Variants in NOX4 observed in about 807,000 individuals in gnomAD.
NOX4 encodes kidney oxidase-1.
Under a neutral mutation model 87.6 loss-of-function variants are expected in NOX4, and 69 were observed. The observed-to-expected ratio is 0.79, with a 90% CI of 0.65 to 0.96. The LOEUF (loss-of-function observed/expected upper bound fraction) is 0.96. Among genes scored for constraint, NOX4 ranks in the 40% least tolerant of loss-of-function variants. The pLI is 0.00. For synonymous variants in NOX4, 275 were observed against 238.2 expected (o/e 1.15, Z -1.42); for missense variants, 680 against 681.5 (o/e 1.00, Z 0.02).
chr11:89,358,806 T>C (rs919462853), intron 12 of NOX4, among the ~76,000 whole-genome samples: 1 of 151,684 alleles, frequency 6.6e-6, no homozygotes, highest in African/African-American at 2.4e-5. Context: ...TGCAGGAAAA[T>C]GTCAAACCAG....
At chr11:89,454,403 T>G (rs944349258) in intron 2 of NOX4, among the ~76,000 whole-genome samples, 3 of 152,084 alleles carry the variant, frequency 2.0e-5, no homozygotes, top group Non-Finnish European at 4.4e-5. Context: ...TAATAATAAT[T>G]AGGTCCACAA....
rs533918712 is a variant in NOX4 at position 89,475,676 on chromosome 11, CAGAATACAAT to C, written c.153+14772_153+14781del. ...TGGAACGGGATAGGACAGGACAGGA[CAGAATACAAT>C]AGAATAGGAACAGGGAAGAGATAAA... On this transcript the variant is annotated intron_variant, in intron 2 of 17. Coordinates refer to ENST00000263317, the MANE Select transcript of NOX4 (RefSeq NM_016931.5). Among the ~76,000 whole-genome samples, 12 of 151,880 alleles carry C rather than the reference CAGAATACAAT, an allele frequency of 7.9e-5. No homozygotes were observed. The South Asian group carries it at 2.3e-3, about 29-fold the overall frequency.
At chr11:89,435,183 A>G (rs182114968) in intron 6 of NOX4, among the ~76,000 whole-genome samples, 1 of 152,198 alleles carries the variant, frequency 6.6e-6, no homozygotes, top group East Asian at 1.9e-4. Flanking sequence ...ACTGTTTTCA[A>G]GTGTTAAAAA....
chr11:89,537,175 T>C, the NOX4 span, among the ~76,000 whole-genome samples: 1 of 152,170 alleles, frequency 6.6e-6, no homozygotes, highest in African/African-American at 2.4e-5. Context: ...GAATGTAACA[T>C]GTTGGAAGTA....
intron 6 of NOX4, among the ~76,000 whole-genome samples, 179 bp from the exon 7 acceptor site, chr11:89,433,035 T>G (rs918186460): frequency 1.3e-5 from 2 of 152,152 alleles, no homozygotes; most frequent in African/African-American, 4.8e-5. Flanking sequence ...TTTAAATTAA[T>G]TTTTGATTGA....
At chr11:89,571,812 T>C in the NOX4 span, among the ~76,000 whole-genome samples, 1 of 151,968 alleles carries the variant, frequency 6.6e-6, no homozygotes, top group Non-Finnish European at 1.5e-5. Context: ...GCTACAAAGA[T>C]AAAAAGCTAC....
In NOX4 at chr11:89,400,357, G is replaced by T. The variant is rs1386908122; in HGVS notation, c.869C>A (p.Pro290His). 6.3e-7 allele frequency: 1 copy of T among 1,580,266 alleles called. No homozygotes were observed. Among genetic ancestry groups the T allele is most frequent in the Non-Finnish European group, 8.6e-7 (1 of 1,166,356 alleles). ...FPQTWLWISG[P>H]LCLYCAERLY... is the part of the protein sequence containing the mutation. Reference sequence around the variant, plus strand: ...TCTTTCGGCACAGTACAGGCACAAAGGTCCAGAAATCCAAAGCCAAGTCTA... The same window carrying T: ...TCTTTCGGCACAGTACAGGCACAAATGTCCAGAAATCCAAAGCCAAGTCTA... Residue 290 changes from proline (P) to histidine (H), a missense_variant, in exon 10 of 18, where the codon CCT becomes CAT. Pro to His is a moderately conservative substitution (Grantham distance 77). Transcript: ENST00000263317.
At chr11:89,441,046 T>C (rs12290322) in intron 5 of NOX4, among the ~76,000 whole-genome samples, 14,037 of 152,190 alleles carry the variant, frequency 0.092, 806 homozygotes, top group South Asian at 0.2. Flanking sequence ...CTCAATATCT[T>C]AGCCATGATG....
the NOX4 span, among the ~76,000 whole-genome samples, chr11:89,523,166 G>A: frequency 2.0e-5 from 3 of 152,102 alleles, no homozygotes; most frequent in African/African-American, 7.2e-5. Context: ...TGGGACTACA[G>A]GCACGTGTCA....
At chr11:89,390,680 T>C (rs1209653363) in intron 11 of NOX4, among the ~76,000 whole-genome samples, 2 of 152,158 alleles carry the variant, frequency 1.3e-5, no homozygotes, top group African/African-American at 4.8e-5. Flanking sequence ...GAGCAAGTAA[T>C]TTTCTGTTAT....
the NOX4 span, among the ~76,000 whole-genome samples, chr11:89,518,701 T>C: frequency 6.6e-6 from 1 of 151,984 alleles, no homozygotes; most frequent in Non-Finnish European, 1.5e-5. Context: ...CCAATACTGA[T>C]AGAAAAGTTG....
At chr11:89,387,113 C>A (rs1565224479) in intron 11 of NOX4, among the ~76,000 whole-genome samples, 1 of 151,996 alleles carries the variant, frequency 6.6e-6, no homozygotes, top group South Asian at 2.1e-4. Flanking sequence ...TCTCTCCATA[C>A]CACCCCCAAA....
the NOX4 span, among the ~76,000 whole-genome samples, chr11:89,511,185 T>G: frequency 2.6e-5 from 4 of 152,018 alleles, no homozygotes. Flanking sequence ...CATACATCAT[T>G]AAAAGATTCA....
chr11:89,476,252 C>T (rs1946162450), intron 2 of NOX4, among the ~76,000 whole-genome samples: 1 of 152,062 alleles, frequency 6.6e-6, no homozygotes, highest in African/African-American at 2.4e-5. Flanking sequence ...GCCTAGTACT[C>T]CCAAGCTTGA....
the NOX4 span, among the ~76,000 whole-genome samples, chr11:89,579,000 T>C: frequency 1.3e-5 from 2 of 152,114 alleles, no homozygotes; most frequent in African/African-American, 2.4e-5. Context: ...TATCCAGCCA[T>C]GAAAAGACAC....
chr11:89,487,433 C>T (rs1946673820), intron 2 of NOX4, among the ~76,000 whole-genome samples: 1 of 117,804 alleles, frequency 8.5e-6, no homozygotes, highest in African/African-American at 4.9e-5. Context: ...TTCTGTGGGT[C>T]CTTCCTGTAC....
chr11:89,378,159 C>T (rs1201912972), intron 11 of NOX4, among the ~76,000 whole-genome samples: 1 of 152,134 alleles, frequency 6.6e-6, no homozygotes, highest in Admixed American at 6.6e-5. Context: ...TCTTTCTGTC[C>T]TATTGCCTAT....
chr11:89,440,021 C>T (rs1037067769), intron 6 of NOX4, among the ~76,000 whole-genome samples: 2 of 152,006 alleles, frequency 1.3e-5, no homozygotes, highest in Non-Finnish European at 1.5e-5. Context: ...AGGGCAGGAG[C>T]CTGTTAAACA....
intron 2 of NOX4, among the ~76,000 whole-genome samples, chr11:89,467,391 T>C (rs1348302897): frequency 6.6e-6 from 1 of 151,452 alleles, no homozygotes; most frequent in Non-Finnish European, 1.5e-5. Context: ...GTCTTTATCT[T>C]TTTATTTTAT....
Sources: allele counts gnomAD v4.1 joint callset (sites outside exome capture counted in the v4.1 genomes callset), GRCh38; gene constraint gnomAD v4.1.1; transcripts MANE v1.5; gene names NCBI Gene and HGNC (gene_info 2026-07-23, HGNC 2026-07-21).